ADAMTSL1: variants seen among roughly 807,000 people sequenced by gnomAD.
ADAMTSL1 encodes the protein ADAMTS-like protein 1.
ADAMTSL1 carries 126 observed loss-of-function variants against 201.8 expected under a neutral mutation model. The ratio of observed to expected loss-of-function variants is 0.62; its 90% CI spans 0.54 to 0.72. The LOEUF (loss-of-function observed/expected upper bound fraction) is 0.72, where lower values mean the gene tolerates loss of function less well. Ranked by LOEUF, ADAMTSL1 falls within the 30% of genes least tolerant of loss-of-function variation. The pLI is 0.00. For synonymous variants in ADAMTSL1, 1,121 were observed against 903.4 expected, an observed-to-expected ratio of 1.24 and a Z score of -4.32; for missense variants, 2,679 against 2,277.8, an observed-to-expected ratio of 1.18 and a Z score of -3.59.
Position 18,829,916 on chromosome 9 carries a change from A to G in ADAMTSL1, c.4188A>G (p.Ser1396=). The change falls in exon 23 of 29, where the codon TCA becomes TCG. Residue 1396 remains serine (S), a synonymous_variant. Transcript: ENST00000380548. ...CTGCCACTGGACCGAACCTTCCTTC[A>G]GTGCTGACGTCTCCTCTGGGAACAC... ...LLAATGPNLP[S]VLTSPLGTQL... is the part of the protein sequence containing the mutation. 2 of 1,613,888 alleles carry G rather than the reference A, an allele frequency of 1.2e-6. No homozygotes were observed. Among genetic ancestry groups the G allele is most frequent in the Non-Finnish European group, 1.7e-6 (2 of 1,179,854 alleles).
At chr9:18,747,467 T>C (rs1819214784) in intron 15 of ADAMTSL1, among the ~76,000 whole-genome samples, 1 of 152,046 alleles carries the variant, frequency 6.6e-6, no homozygotes, top group South Asian at 2.1e-4. Context: ...TTTATGTCCA[T>C]GTCATGGTGG....
At chr9:18,630,344 G>C (rs1264175006) in intron 5 of ADAMTSL1, among the ~76,000 whole-genome samples, 1 of 152,162 alleles carries the variant, frequency 6.6e-6, no homozygotes, top group Non-Finnish European at 1.5e-5. Flanking sequence ...ATTCTTTTGT[G>C]TAGTTCTTTC....
rs940357151 is a variant in ADAMTSL1, at chr9:18,664,811, C to T, written c.1085+2738C>T. 3.9e-5 allele frequency among the ~76,000 whole-genome samples: 6 copies of T among 152,112 alleles called. No homozygotes were observed. The South Asian group carries it at 6.2e-4, about 16-fold the overall frequency. ...TCTGGGCTTCCATTTTCTCACCCACCGAATGGGAAGAGAGGGTCATTTGTT... is the reference window on the plus strand; with the variant it reads ...TCTGGGCTTCCATTTTCTCACCCACTGAATGGGAAGAGAGGGTCATTTGTT... On this transcript the variant is annotated intron_variant, in intron 9 of 28. Transcript: ENST00000380548.
intron 21 of ADAMTSL1, chr9:18,826,034 A>C: frequency 1.7e-6 from 1 of 592,762 alleles, no homozygotes; most frequent in East Asian, 2.8e-5. Context: ...TTTAAAAGGC[A>C]AAAGATCTGG....
intron 1 of ADAMTSL1, among the ~76,000 whole-genome samples, chr9:18,039,750 T>C (rs985790593): frequency 1.3e-5 from 2 of 152,168 alleles, no homozygotes; most frequent in African/African-American, 4.8e-5. Flanking sequence ...CTTACTACCA[T>C]AGATCAAATG....
intron 9 of ADAMTSL1, among the ~76,000 whole-genome samples, chr9:18,664,098 T>A (rs926693817): frequency 2.0e-5 from 3 of 152,042 alleles, no homozygotes; most frequent in Admixed American, 6.6e-5. Context: ...TGCTTTTTTT[T>A]ATTGAAGAAG....
Position 18,626,877 on chromosome 9 carries a change from TCC to T in ADAMTSL1, c.601+4509_601+4510del, listed in dbSNP as rs1564099697. The stretch of plus-strand genomic sequence containing the variant: ...TTTCTTTCTTTCTTTCTGTCTTTCT[TCC>T]TTCCTTCCTTCCTTCCTTCCTTTCT... On this transcript the variant is annotated intron_variant, in intron 5 of 28. Coordinates refer to ENST00000380548, the MANE Select transcript of ADAMTSL1 (RefSeq NM_001040272.6). Among the ~76,000 whole-genome samples the T allele has an allele frequency of 2.4e-3, 215 of 89,636 alleles. 2 individuals carry two copies. The highest frequency in any genetic ancestry group is 8.8e-3 in the Middle Eastern group (2 of 228). 58.8% of individuals were successfully genotyped at this position (89,636 alleles called of 152,430 possible). A position where few individuals can be genotyped will look rare whatever the true frequency, so the allele number is the denominator to read the frequency against.
chr9:18,513,596 T>A (rs1445126987), intron 2 of ADAMTSL1, among the ~76,000 whole-genome samples: 1 of 152,234 alleles, frequency 6.6e-6, no homozygotes, highest in Non-Finnish European at 1.5e-5. Flanking sequence ...TTTGCCCCTG[T>A]ATTTTCCAGT....
intron 15 of ADAMTSL1, among the ~76,000 whole-genome samples, chr9:18,746,799 C>T (rs1195868589): frequency 5.3e-5 from 8 of 151,534 alleles, no homozygotes; most frequent in African/African-American, 1.9e-4. Context: ...AAAAATTCCT[C>T]CTTTTGTATA....
chr9:18,266,428 T>C (rs1305683477), intron 2 of ADAMTSL1, among the ~76,000 whole-genome samples: 2 of 152,170 alleles, frequency 1.3e-5, no homozygotes, highest in Admixed American at 1.3e-4. Context: ...CCAAACTGAT[T>C]TGAGTAGACA....
At chr9:18,470,078 A>G (rs1230828475), upstream of ADAMTSL1, among the ~76,000 whole-genome samples, 1 of 152,216 alleles carries the variant, frequency 6.6e-6, no homozygotes, top group Non-Finnish European at 1.5e-5. Context: ...TTCATCTGTC[A>G]GCGTCTCAGA....
chr9:18,558,095 G>A (rs1821217601), intron 3 of ADAMTSL1, among the ~76,000 whole-genome samples: 1 of 152,028 alleles, frequency 6.6e-6, no homozygotes, highest in African/African-American at 2.4e-5. Context: ...GTGCCATGGT[G>A]GTTTGCTGCA....
intron 2 of ADAMTSL1, among the ~76,000 whole-genome samples, chr9:18,207,765 A>G (rs1187884578): frequency 6.6e-6 from 1 of 151,996 alleles, no homozygotes; most frequent in African/African-American, 2.4e-5. Flanking sequence ...ATGTATTTGT[A>G]TAAGCGGGTC....
chr9:18,646,621 G>T (rs1310405612), intron 7 of ADAMTSL1, among the ~76,000 whole-genome samples: 2 of 147,326 alleles, frequency 1.4e-5, no homozygotes, highest in East Asian at 4.0e-4. Context: ...TTTTGTCAAA[G>T]GCCTTTTCTG....
At chr9:18,600,349 A>C (rs1824559949) in intron 4 of ADAMTSL1, among the ~76,000 whole-genome samples, 1 of 152,318 alleles carries the variant, frequency 6.6e-6, no homozygotes, top group South Asian at 2.1e-4. Flanking sequence ...TCTACTGCCC[A>C]AAAAGTCTAG....
chr9:18,715,840 T>C (rs1686765743), intron 14 of ADAMTSL1, among the ~76,000 whole-genome samples: 1 of 151,908 alleles, frequency 6.6e-6, no homozygotes, highest in South Asian at 2.1e-4. Flanking sequence ...CAAGCCATAC[T>C]ACAAGGCTAC....
intron 1 of ADAMTSL1, among the ~76,000 whole-genome samples, chr9:17,953,772 C>T (rs1016023817): frequency 2.0e-5 from 3 of 152,088 alleles, no homozygotes; most frequent in East Asian, 3.9e-4. Flanking sequence ...TGCTGCAAAA[C>T]GAACCACCCC....
chr9:18,425,278 T>G (rs1229345261), intron 2 of ADAMTSL1, among the ~76,000 whole-genome samples: 2 of 152,078 alleles, frequency 1.3e-5, no homozygotes, highest in African/African-American at 4.8e-5. Context: ...AACTGTAAAA[T>G]TATTAGAGTA....
chr9:17,930,251 G>A (rs1424176392), intron 1 of ADAMTSL1, among the ~76,000 whole-genome samples: 1 of 152,128 alleles, frequency 6.6e-6, no homozygotes, highest in African/African-American at 2.4e-5. Context: ...GTTTGATGGA[G>A]TCTCTGCCGT....
Sources: allele counts gnomAD v4.1 joint callset (sites outside exome capture counted in the v4.1 genomes callset), GRCh38; gene constraint gnomAD v4.1.1; transcripts MANE v1.5; gene names NCBI Gene and HGNC (gene_info 2026-07-23, HGNC 2026-07-21).